Variants in MIPOL1 observed in about 807,000 individuals in gnomAD.
MIPOL1 encodes mirror-image polydactyly gene 1 protein.
Under a neutral mutation model 60.9 loss-of-function variants are expected in MIPOL1, and 57 were observed. The observed-to-expected ratio is 0.94, with a 90% CI of 0.76 to 1.17. MIPOL1 has a LOEUF of 1.17. Ranked by LOEUF, MIPOL1 falls within the 50% of genes most tolerant of loss-of-function variation. MIPOL1 has a pLI of 0.00. For synonymous variants in MIPOL1, 179 were observed against 168.8 expected (o/e 1.06, Z -0.47); for missense variants, 551 against 511.6 (o/e 1.08, Z -0.74).
At chr14:37,314,702 C>T (rs915006024) in intron 9 of MIPOL1, among the ~76,000 whole-genome samples, 19 of 152,104 alleles carry the variant, frequency 1.2e-4, no homozygotes, top group African/African-American at 4.6e-4. Context: ...CACTGTATTA[C>T]AGTTAATTGA....
intron 12 of MIPOL1, among the ~76,000 whole-genome samples, chr14:37,512,183 A>ACT (rs2095333284): frequency 6.6e-6 from 1 of 151,690 alleles, no homozygotes; most frequent in African/African-American, 2.4e-5. Flanking sequence ...ACACACACAC[A>ACT]GCTGTTTAAA....
intron 9 of MIPOL1, among the ~76,000 whole-genome samples, chr14:37,364,276 C>T (rs943503326): frequency 6.6e-6 from 1 of 152,138 alleles, no homozygotes; most frequent in East Asian, 1.9e-4. Flanking sequence ...GGAACAGAAA[C>T]CAAGAAATTT....
intron 10 of MIPOL1, among the ~76,000 whole-genome samples, chr14:37,395,590 T>C (rs950830562): frequency 1.3e-5 from 2 of 152,160 alleles, no homozygotes; most frequent in African/African-American, 4.8e-5. Flanking sequence ...GAGCTACTGA[T>C]TTGTGTACAT....
chr14:37,322,614 T>G (rs1304681967), intron 9 of MIPOL1, among the ~76,000 whole-genome samples: 4 of 152,206 alleles, frequency 2.6e-5, no homozygotes, highest in African/African-American at 9.6e-5. Context: ...TTCATTTATT[T>G]TTTCCACATC....
At chr14:37,340,129 A>G (rs929898773) in intron 9 of MIPOL1, among the ~76,000 whole-genome samples, 1 of 151,956 alleles carries the variant, frequency 6.6e-6, no homozygotes, top group East Asian at 1.9e-4. Flanking sequence ...CCTGTGTGAA[A>G]TCTTGGTGTC....
chr14:37,488,107 G>A (rs2094982609), intron 11 of MIPOL1, among the ~76,000 whole-genome samples: 1 of 152,108 alleles, frequency 6.6e-6, no homozygotes, highest in South Asian at 2.1e-4. Flanking sequence ...AGTCATTCAG[G>A]AGCAGGTTGT....
intron 12 of MIPOL1, among the ~76,000 whole-genome samples, chr14:37,514,067 T>C (rs1248873312): frequency 6.6e-6 from 1 of 152,174 alleles, no homozygotes; most frequent in East Asian, 1.9e-4. Flanking sequence ...TTAACTAAAA[T>C]TTGATAGGGA....
chr14:37,226,018 T>C (rs4605060), intron 1 of MIPOL1, among the ~76,000 whole-genome samples: 68,424 of 152,020 alleles, frequency 0.45, 17,881 homozygotes, highest in African/African-American at 0.73. Context: ...GTCACCTTTA[T>C]TCCAGTTCCC....
intron 11 of MIPOL1, among the ~76,000 whole-genome samples, chr14:37,449,375 A>G (rs2094385236): frequency 6.6e-6 from 1 of 152,240 alleles, no homozygotes; most frequent in Non-Finnish European, 1.5e-5. Flanking sequence ...CATAATGTAG[A>G]CTTGTAGAAA....
chr14:37,223,679 T>G (rs908884480), intron 1 of MIPOL1, among the ~76,000 whole-genome samples: 3 of 152,026 alleles, frequency 2.0e-5, no homozygotes, highest in African/African-American at 7.2e-5. Context: ...ATTTTTTGTA[T>G]TTTTAGTAGA....
intron 11 of MIPOL1, among the ~76,000 whole-genome samples, chr14:37,440,747 G>A (rs1034976675): frequency 6.6e-6 from 1 of 152,036 alleles, no homozygotes; most frequent in East Asian, 1.9e-4. Flanking sequence ...CGAGTGCAAT[G>A]TAATGATTTC....
At chr14:37,339,943 C>G (rs1412174899) in intron 9 of MIPOL1, among the ~76,000 whole-genome samples, 2 of 152,152 alleles carry the variant, frequency 1.3e-5, no homozygotes. Context: ...AAAAGCCAAT[C>G]AATTCTACAC....
At chr14:37,451,808 C>CTCTTTTTTT (rs1418256414) in intron 11 of MIPOL1, among the ~76,000 whole-genome samples, 2 of 84,574 alleles carry the variant, frequency 2.4e-5, no homozygotes, top group African/African-American at 1.3e-4. Flanking sequence ...TTTATTCTCT[C>CTCTTTTTTT]TTTTTTTTTT....
chr14:37,426,570 C>CATATATATATATATATAT (rs68123796), intron 11 of MIPOL1, among the ~76,000 whole-genome samples: 6,110 of 84,608 alleles, frequency 0.072, 423 homozygotes, highest in Non-Finnish European at 0.09. Context: ...TCAAAATATA[C>CATATATATATATATATAT]ATATATATAT....
chr14:37,532,905 C>T (rs1021966214), intron 12 of MIPOL1, among the ~76,000 whole-genome samples: 1 of 151,868 alleles, frequency 6.6e-6, no homozygotes, highest in Non-Finnish European at 1.5e-5. Flanking sequence ...TCTGAGTAAC[C>T]TCTTAATTCT....
intron 11 of MIPOL1, among the ~76,000 whole-genome samples, chr14:37,477,430 C>A (rs1008043665): frequency 6.6e-6 from 1 of 151,810 alleles, no homozygotes; most frequent in Non-Finnish European, 1.5e-5. Flanking sequence ...TTTATTTCTC[C>A]TTGTATGAGT....
chr14:37,198,580 AT>A (rs898766672), intron 1 of MIPOL1, among the ~76,000 whole-genome samples: 31 of 147,718 alleles, frequency 2.1e-4, no homozygotes, highest in East Asian at 5.9e-4. Flanking sequence ...TACTGTTAGA[AT>A]TTTTTTTTTT....
chr14:37,446,367 C>A (rs1189005827), intron 11 of MIPOL1, among the ~76,000 whole-genome samples: 5 of 152,160 alleles, frequency 3.3e-5, no homozygotes, highest in Admixed American at 2.6e-4. Context: ...ATCAAAACCA[C>A]AGTGAGATAC....
intron 11 of MIPOL1, among the ~76,000 whole-genome samples, chr14:37,448,633 G>A (rs551068857): frequency 1.3e-5 from 2 of 152,238 alleles, no homozygotes; most frequent in Admixed American, 6.5e-5. Context: ...CATAAAGTCT[G>A]AAAAATCTTT....
Sources: allele counts gnomAD v4.1 joint callset (sites outside exome capture counted in the v4.1 genomes callset), GRCh38; gene constraint gnomAD v4.1.1; transcripts MANE v1.5; gene names NCBI Gene and HGNC (gene_info 2026-07-23, HGNC 2026-07-21).